The following CRTAM variants were observed in gnomAD, a reference collection of about 807,000 sequenced individuals.
The protein encoded by CRTAM is cytotoxic and regulatory T-cell molecule.
Under a neutral mutation model 50.0 loss-of-function variants are expected in CRTAM, and 44 were observed. The ratio of observed to expected loss-of-function variants is 0.88; its 90% CI spans 0.69 to 1.13. CRTAM has a LOEUF of 1.13. Among genes scored for constraint, CRTAM ranks in the 50% most tolerant of loss-of-function variants. The pLI, the probability that CRTAM is intolerant of heterozygous loss-of-function variation, is 0.00. For synonymous variants in CRTAM, 159 were observed against 169.3 expected, an observed-to-expected ratio of 0.94 and a Z score of 0.47; for missense variants, 448 against 457.5, an observed-to-expected ratio of 0.98 and a Z score of 0.19.
chr11:122,842,382 A>T (rs1007144310), intron 1 of CRTAM, among the ~76,000 whole-genome samples: 1 of 152,152 alleles, frequency 6.6e-6, no homozygotes, highest in Non-Finnish European at 1.5e-5. Context: ...GGTTCAAGTG[A>T]TTCTCCTGCC....
At chr11:122,842,121 C>T (rs954254986) in intron 1 of CRTAM, among the ~76,000 whole-genome samples, 1 of 152,146 alleles carries the variant, frequency 6.6e-6, no homozygotes, top group African/African-American at 2.4e-5. Flanking sequence ...TGTACAAGGA[C>T]TATCTGAAAA....
intron 7 of CRTAM, among the ~76,000 whole-genome samples, chr11:122,866,658 G>A (rs989475961): frequency 6.0e-5 from 9 of 151,230 alleles, no homozygotes; most frequent in African/African-American, 2.2e-4. Flanking sequence ...AGGTTGGAGT[G>A]CAGTTTCACA....
Position 122,855,691 on chromosome 11 carries a change from A to G in CRTAM, c.491-4A>G, listed in dbSNP as rs111284965. 853 of 1,613,892 alleles carry G rather than the reference A, an allele frequency of 5.3e-4. 5 individuals carry two copies. The African/African-American group carries it at 9.8e-3, about 19-fold the overall frequency. On this transcript the variant is annotated splice_region_variant and splice_polypyrimidine_tract_variant and intron_variant, in intron 4 of 9. Transcript: ENST00000227348. ...AGCCATAACCTCTTCAAATTGCTAC[A>G]TAGGTGGAACGCTCCATGAATTTGA...
chr11:122,866,314 T>C (rs1862172510), intron 7 of CRTAM, among the ~76,000 whole-genome samples: 1 of 152,188 alleles, frequency 6.6e-6, no homozygotes, highest in Non-Finnish European at 1.5e-5. Flanking sequence ...GAAAACTTTT[T>C]TGACCAACTC....
In CRTAM at chr11:122,838,564, C is replaced by T; in HGVS notation, c.18C>T (p.Leu6=). 6.2e-7 allele frequency: 1 copy of T among 1,614,200 alleles called. No individual in the cohort carries two copies. The highest frequency in any genetic ancestry group is 8.5e-7 in the Non-Finnish European group (1 of 1,180,012). The change falls in exon 1 of 10, where the codon CTC becomes CTT. Residue 6 remains leucine, a synonymous_variant. Transcript: ENST00000227348. Reference sequence around the variant, plus strand: ...AGCACAGTATGTGGTGGAGAGTTCTCAGCTTGCTGGCATGGTTCCCCTTGC... The same window carrying T: ...AGCACAGTATGTGGTGGAGAGTTCTTAGCTTGCTGGCATGGTTCCCCTTGC... MWWRV[L]SLLAWFPLQE... is the part of the protein sequence containing the mutation.
intron 1 of CRTAM, among the ~76,000 whole-genome samples, chr11:122,840,979 G>A (rs1395992400): frequency 6.6e-6 from 1 of 152,098 alleles, no homozygotes; most frequent in Non-Finnish European, 1.5e-5. Context: ...TGAACCCTCT[G>A]TTTTCATTGT....
chr11:122,848,411 C>T (rs1686517383), intron 1 of CRTAM, among the ~76,000 whole-genome samples: 1 of 152,184 alleles, frequency 6.6e-6, no homozygotes, highest in African/African-American at 2.4e-5. Flanking sequence ...GAATTCTGGC[C>T]TTATGCCCCA....
At position 122,855,825 on chromosome 11, in the gene CRTAM, A is replaced by G. The variant is rs780322949; in HGVS notation, c.621A>G (p.Lys207=). ...GACACAGAGGCCTGCAAGGGAGAAA[A>G]CTAGTAGCACCCTTCCGGTTTGAAG... The part of the protein sequence containing the change: ...IIRHRGLQGR[K]LVAPFRFEDL... Residue 207 remains lysine, a synonymous_variant, in exon 5 of 10, where the codon AAA becomes AAG. Coordinates refer to ENST00000227348, the MANE Select transcript of CRTAM (RefSeq NM_019604.4). The G allele has an allele frequency of 1.9e-6, 3 of 1,613,650 alleles. No individual in the cohort carries two copies. Among genetic ancestry groups the G allele is most frequent in the Non-Finnish European group, 2.5e-6 (3 of 1,179,902 alleles).
intron 1 of CRTAM, among the ~76,000 whole-genome samples, chr11:122,846,086 T>C (rs1026718511): frequency 6.6e-6 from 1 of 152,102 alleles, no homozygotes; most frequent in African/African-American, 2.4e-5. Flanking sequence ...AGAAGGGAAT[T>C]CCTTGTGTAA....
intron 7 of CRTAM, 69 bp from the exon 8 acceptor site, chr11:122,867,340 A>G (rs1271796139): frequency 5.3e-6 from 7 of 1,330,056 alleles, no homozygotes; most frequent in South Asian, 1.4e-5. Context: ...GTATTGTTAC[A>G]TATTCTCCAG....
At chr11:122,845,851 G>C (rs1472374466) in intron 1 of CRTAM, among the ~76,000 whole-genome samples, 1 of 151,780 alleles carries the variant, frequency 6.6e-6, no homozygotes, top group Non-Finnish European at 1.5e-5. Context: ...GAGAATGACA[G>C]TTTTTTTTCT....
intron 1 of CRTAM, among the ~76,000 whole-genome samples, chr11:122,843,724 A>C (rs531103815): frequency 6.6e-6 from 1 of 152,372 alleles, no homozygotes; most frequent in South Asian, 2.1e-4. Context: ...AAGAAAAGTC[A>C]AAAGAAGTTC....
At chr11:122,857,967 G>C (rs1862026194) in intron 5 of CRTAM, among the ~76,000 whole-genome samples, 1 of 152,198 alleles carries the variant, frequency 6.6e-6, no homozygotes, top group South Asian at 2.1e-4. Context: ...CTGGAGTGCA[G>C]TGGTGTGATC....
At chr11:122,857,978 G>A (rs1029835019) in intron 5 of CRTAM, among the ~76,000 whole-genome samples, 2 of 152,142 alleles carry the variant, frequency 1.3e-5, no homozygotes, top group Admixed American at 6.5e-5. Flanking sequence ...TGGTGTGATC[G>A]CGGCTCACTG....
intron 9 of CRTAM, among the ~76,000 whole-genome samples, 167 bp from the exon 10 acceptor site, chr11:122,871,102 A>G (rs896003395): frequency 6.6e-6 from 1 of 152,142 alleles, no homozygotes; most frequent in Non-Finnish European, 1.5e-5. Context: ...GAAAAACAAA[A>G]AAGAATATAA....
At chr11:122,870,895 A>G (rs1862243959) in intron 9 of CRTAM, among the ~76,000 whole-genome samples, 1 of 152,100 alleles carries the variant, frequency 6.6e-6, no homozygotes, top group South Asian at 2.1e-4. Context: ...CCTAGGCAAT[A>G]TAGTGAAACC....
intron 7 of CRTAM, among the ~76,000 whole-genome samples, chr11:122,865,075 T>G (rs374243765): frequency 1.7e-4 from 26 of 152,210 alleles, no homozygotes; most frequent in African/African-American, 5.8e-4. Flanking sequence ...TCTTTCTTGT[T>G]GCCCAGGCTG....
chr11:122,846,924 T>C (rs1218712509), intron 1 of CRTAM, among the ~76,000 whole-genome samples: 2 of 152,186 alleles, frequency 1.3e-5, no homozygotes, highest in Non-Finnish European at 2.9e-5. Flanking sequence ...GGGAAGGAGA[T>C]CCCTAGTGAA....
rs142803955 is a variant in CRTAM, at chr11:122,865,188, C to G, written c.817+469C>G. 2.6e-4 allele frequency among the ~76,000 whole-genome samples: 40 copies of G among 152,234 alleles called. No homozygotes were observed. In the East Asian group the frequency reaches 7.5e-3, roughly 29 times the overall value. ...AGTAGCTGGGATTACAGGCACACGCCACCACCCCAGCTAATTTTGTATTTT... is the reference window on the plus strand; with the variant it reads ...AGTAGCTGGGATTACAGGCACACGCGACCACCCCAGCTAATTTTGTATTTT... On this transcript the variant is annotated intron_variant, in intron 7 of 9. Coordinates refer to ENST00000227348, the MANE Select transcript of CRTAM (RefSeq NM_019604.4).
Sources: gnomAD v4.1 joint callset for allele counts (sites outside exome capture counted in the v4.1 genomes callset) on GRCh38, gnomAD v4.1.1 for gene constraint, MANE v1.5 for transcripts, NCBI Gene and HGNC (gene_info 2026-07-23, HGNC 2026-07-21) for gene names.